The following VWDE variants were observed in gnomAD, a reference collection of about 807,000 sequenced individuals.
VWDE encodes the protein von Willebrand factor D and EGF domain-containing protein.
VWDE carries 207 observed loss-of-function variants against 178.4 expected under a neutral mutation model. The ratio of observed to expected loss-of-function variants is 1.16; its 90% CI spans 1.04 to 1.30. VWDE has a LOEUF of 1.30. Ranked by LOEUF, VWDE falls within the 50% of genes most tolerant of loss-of-function variation. VWDE has a pLI of 0.00. For synonymous variants in VWDE, 738 were observed against 651.4 expected (o/e 1.13, Z -2.02); for missense variants, 2,287 against 1,901.3 (o/e 1.20, Z -3.77).
At chr7:12,372,538 G>C (rs1474126794) in intron 10 of VWDE, among the ~76,000 whole-genome samples, 1 of 151,942 alleles carries the variant, frequency 6.6e-6, no homozygotes, top group African/African-American at 2.4e-5. Context: ...CAGGAGTAAA[G>C]GAAAAAGAAT....
At chr7:12,356,430 A>G in intron 17 of VWDE, 100 bp from the exon 18 acceptor site, 3 of 839,490 alleles carry the variant, frequency 3.6e-6, no homozygotes, top group South Asian at 1.7e-5. Context: ...ATGTACAAGT[A>G]TGACCAAATC....
At chr7:12,352,152 G>T (rs1781978336) in intron 18 of VWDE, among the ~76,000 whole-genome samples, 1 of 152,122 alleles carries the variant, frequency 6.6e-6, no homozygotes, top group South Asian at 2.1e-4. Flanking sequence ...ATTCAGAACT[G>T]TGAGAAAATA....
Position 12,361,465 on chromosome 7 carries a change from G to A in VWDE, c.2955C>T (p.His985=). The change falls in exon 14 of 29, where the codon CAC becomes CAT. Residue 985 remains histidine, a synonymous_variant. Coordinates refer to ENST00000275358, the MANE Select transcript of VWDE (RefSeq NM_001135924.3). Reference sequence around the variant, plus strand: ...GCTGACAATCAACAGCTCTGCTATTGTGGAAAACAGTCTGTGTATAGATGG... The same window carrying A: ...GCTGACAATCAACAGCTCTGCTATTATGGAAAACAGTCTGTGTATAGATGG... ...GEPIYTQTVF[H]NSRAVDCQLP... is the part of the protein sequence containing the mutation. 6.4e-7 allele frequency: 1 copy of A among 1,551,168 alleles called. No homozygotes were observed. The highest frequency in any genetic ancestry group is 1.4e-5 in the African/African-American group (1 of 73,098).
At chr7:12,388,694 C>T (rs1367298772) in intron 3 of VWDE, 1 of 278,060 alleles carries the variant, frequency 3.6e-6, no homozygotes, top group Non-Finnish European at 7.2e-6. Context: ...TTGCTCATCA[C>T]CGTAACTCTG....
intron 16 of VWDE, among the ~76,000 whole-genome samples, chr7:12,358,805 A>G (rs1319366354): frequency 6.6e-6 from 1 of 152,218 alleles, no homozygotes; most frequent in African/African-American, 2.4e-5. Flanking sequence ...TTGTATTTTC[A>G]TCTCTTGCAC....
At chr7:12,393,282 G>A (rs1267089018) in intron 2 of VWDE, among the ~76,000 whole-genome samples, 1 of 152,160 alleles carries the variant, frequency 6.6e-6, no homozygotes, top group Non-Finnish European at 1.5e-5. Flanking sequence ...ACCTGTGACT[G>A]TAAGAGCACT....
chr7:12,349,659 A>C (rs1484878061), intron 19 of VWDE, among the ~76,000 whole-genome samples: 2 of 151,938 alleles, frequency 1.3e-5, no homozygotes, highest in Non-Finnish European at 2.9e-5. Context: ...TACTCCTACA[A>C]ATCAATAAAA....
chr7:12,396,330 A>C (rs991655085), intron 1 of VWDE, among the ~76,000 whole-genome samples: 1 of 151,482 alleles, frequency 6.6e-6, no homozygotes, highest in Non-Finnish European at 1.5e-5. Flanking sequence ...AGCCAAATAA[A>C]TCATTTTATT....
At chr7:12,368,766 T>G (rs61559614) in intron 12 of VWDE, among the ~76,000 whole-genome samples, 3,007 of 152,200 alleles carry the variant, frequency 0.02, 94 homozygotes, top group African/African-American at 0.069. Context: ...TACGATAATC[T>G]GAGGGGGAAA....
chr7:12,357,561 A>G, intron 16 of VWDE, 46 bp from the exon 17 acceptor site: 1 of 1,540,634 alleles, frequency 6.5e-7, no homozygotes, highest in Non-Finnish European at 8.8e-7. Context: ...TAGAAAAAGG[A>G]ATGAAGTGTA....
At position 12,393,780 on chromosome 7, in the gene VWDE, T is replaced by C. The variant is rs890823072; in HGVS notation, c.59-2A>G. The C allele has an allele frequency of 2.6e-6, 4 of 1,535,446 alleles. No individual in the cohort carries two copies. The highest frequency in any genetic ancestry group is 2.8e-5 in the African/African-American group (2 of 72,178). ...GTCCCCCAGGAGAGCACTCCTGAGCTAGTATGGAAAGACAGGTGTTTTTAT... is the reference window on the plus strand; with the variant it reads ...GTCCCCCAGGAGAGCACTCCTGAGCCAGTATGGAAAGACAGGTGTTTTTAT... On this transcript the variant is annotated splice_acceptor_variant, in intron 1 of 28. Coordinates refer to ENST00000275358, the MANE Select transcript of VWDE (RefSeq NM_001135924.3). LOFTEE classifies it high-confidence loss of function.
In VWDE at chr7:12,361,271, T is replaced by C; in HGVS notation, c.3055-20A>G. On this transcript the variant is annotated intron_variant, in intron 14 of 28. Coordinates refer to ENST00000275358, the MANE Select transcript of VWDE (RefSeq NM_001135924.3). The stretch of plus-strand genomic sequence containing the variant: ...AGATACCTGTAACATAATAGTTCTA[T>C]AATAAGATGATTTGTTCTAAATGTT... 1 of 1,532,274 alleles carries C rather than the reference T, an allele frequency of 6.5e-7. No individual in the cohort carries two copies. Among genetic ancestry groups the C allele is most frequent in the South Asian group, 1.2e-5 (1 of 80,466 alleles). The allele number at this position is 1,532,274 out of a possible 1,614,324, so 94.9% of individuals were successfully genotyped here. A position where few individuals can be genotyped will look rare whatever the true frequency, so the allele number is the denominator to read the frequency against.
intron 3 of VWDE, among the ~76,000 whole-genome samples, chr7:12,388,110 T>G (rs1373471749): frequency 2.0e-5 from 3 of 152,160 alleles, no homozygotes. Flanking sequence ...TCTGTGACTG[T>G]TTTTTATTCT....
At chr7:12,391,698 C>A (rs780783704) in intron 2 of VWDE, among the ~76,000 whole-genome samples, 1 of 152,140 alleles carries the variant, frequency 6.6e-6, no homozygotes, top group Non-Finnish European at 1.5e-5. Flanking sequence ...CAATGCCACA[C>A]ATTAAAATTA....
At chr7:12,331,771 C>A (rs1780733045) in intron 28 of VWDE, among the ~76,000 whole-genome samples, 1 of 152,068 alleles carries the variant, frequency 6.6e-6, no homozygotes, top group Admixed American at 6.6e-5. Context: ...AATCACAGAG[C>A]AAATAAGTGG....
rs1229645428 is a variant in VWDE, at chr7:12,380,710, G to T, written c.565C>A (p.Pro189Thr). The change falls in exon 5 of 29, where the codon CCT becomes ACT. Residue 189 changes from proline (P) to threonine (T), a missense_variant. By Grantham distance (38) the Pro-to-Thr change is conservative (BLOSUM62 -1). Transcript: ENST00000275358. ...ACCTCTGGCCTTCCTGCAGGTGGAG[G>T]TGGCAATGAGGCAGCCAGCTGACCT... is the stretch of plus-strand genomic sequence containing the variant. ...CVRQLAASLP[P>T]PPAGRPEVLV... The T allele has an allele frequency of 1.3e-6, 2 of 1,551,836 alleles. No homozygotes were observed. The highest frequency in any genetic ancestry group is 4.9e-5 in the East Asian group (2 of 40,926).
At chr7:12,401,789 G>C (rs1334089393) in intron 1 of VWDE, among the ~76,000 whole-genome samples, 1 of 152,010 alleles carries the variant, frequency 6.6e-6, no homozygotes, top group Non-Finnish European at 1.5e-5. Flanking sequence ...TCCACTCCTA[G>C]GCATATATCT....
intron 2 of VWDE, among the ~76,000 whole-genome samples, chr7:12,390,735 T>C (rs1466819130): frequency 1.3e-5 from 2 of 151,938 alleles, no homozygotes; most frequent in African/African-American, 2.4e-5. Flanking sequence ...GAAACACAAA[T>C]GCCTAATAAA....
Position 12,340,341 on chromosome 7 carries a change from A to G in VWDE, c.4347T>C (p.Phe1449=), listed in dbSNP as rs757658868. 1.9e-6 allele frequency: 3 copies of G among 1,551,250 alleles called. No homozygotes were observed. The South Asian group carries it at 3.6e-5, about 18-fold the overall frequency. ...PNTCLCPNGF[F]GEHCQNAFCH... ...AATTACCATTCTGACAGTGTTCCCC[A>G]AAGAATCCATTTGGACAGAGGCAAG... The change falls in exon 24 of 29, where the codon TTT becomes TTC. Residue 1449 remains phenylalanine (F), a synonymous_variant. Coordinates refer to ENST00000275358, the MANE Select transcript of VWDE (RefSeq NM_001135924.3).
Sources: allele counts gnomAD v4.1 joint callset (sites outside exome capture counted in the v4.1 genomes callset), GRCh38; gene constraint gnomAD v4.1.1; transcripts MANE v1.5; gene names NCBI Gene and HGNC (gene_info 2026-07-23, HGNC 2026-07-21).